STK32C: variants seen among roughly 807,000 people sequenced by gnomAD.
The protein encoded by STK32C is serine/threonine kinase 32C.
Under a neutral mutation model 56.5 loss-of-function variants are expected in STK32C, and 31 were observed. That is an observed-to-expected ratio of 0.55 (90% CI 0.41 to 0.74). The LOEUF is 0.74. Ranked by LOEUF, STK32C falls within the 30% of genes least tolerant of loss-of-function variation. The probability of loss-of-function intolerance (pLI) is 0.00; values close to 1 mark genes in which losing one functional copy is unlikely to be tolerated. For missense variants in STK32C, 544 were observed against 676.9 expected (o/e 0.80, Z 2.18); for synonymous variants, 309 against 289.4 (o/e 1.07, Z -0.69).
chr10:132,230,079 G>C (rs559969599), intron 2 of STK32C, among the ~76,000 whole-genome samples: 210 of 152,366 alleles, frequency 1.4e-3, no homozygotes, highest in Non-Finnish European at 2.2e-3. Context: ...CACCTGCTGA[G>C]GAGCGGGGGC....
At chr10:132,277,145 C>T (rs983723368) in intron 1 of STK32C, among the ~76,000 whole-genome samples, 1 of 152,274 alleles carries the variant, frequency 6.6e-6, no homozygotes, top group Non-Finnish European at 1.5e-5. Flanking sequence ...GCAGGGCCAG[C>T]AGTCTGCCTT....
In STK32C at chr10:132,294,437, C is replaced by T. The variant is rs543554530; in HGVS notation, c.262+13135G>A. On this transcript the variant is annotated intron_variant, in intron 1 of 11. Coordinates refer to ENST00000298630, the MANE Select transcript of STK32C (RefSeq NM_173575.4). ...GAGAACTGGAGGGGAGGCCTGCAGACGGCAGGGAGTGAGTGAGTTTGAGTT... is the reference window on the plus strand; with the variant it reads ...GAGAACTGGAGGGGAGGCCTGCAGATGGCAGGGAGTGAGTGAGTTTGAGTT... Among the ~76,000 whole-genome samples the T allele has an allele frequency of 2.9e-4, 44 of 152,196 alleles. No homozygotes were observed. In the East Asian group the frequency reaches 5.4e-3, roughly 19 times the overall value.
intron 1 of STK32C, among the ~76,000 whole-genome samples, chr10:132,301,771 G>A (rs1167966402): frequency 1.3e-5 from 2 of 152,226 alleles, no homozygotes; most frequent in African/African-American, 4.8e-5. Flanking sequence ...AACAGAAGGA[G>A]GAAAAGCAAA....
chr10:132,293,049 G>A (rs2065618705), intron 1 of STK32C, among the ~76,000 whole-genome samples: 1 of 152,246 alleles, frequency 6.6e-6, no homozygotes, highest in Admixed American at 6.5e-5. Flanking sequence ...TGACCCAGAG[G>A]TGAGCAGCGA....
chr10:132,220,817 T>G (rs2062613700), intron 10 of STK32C, among the ~76,000 whole-genome samples: 1 of 152,168 alleles, frequency 6.6e-6, no homozygotes, highest in Non-Finnish European at 1.5e-5. Flanking sequence ...CAATGTTAGC[T>G]CACATTCTGG....
intron 2 of STK32C, among the ~76,000 whole-genome samples, chr10:132,237,981 G>C (rs1480506623): frequency 6.6e-6 from 1 of 152,196 alleles, no homozygotes; most frequent in African/African-American, 2.4e-5. Flanking sequence ...AGCCACTGTG[G>C]TCAGACCCAG....
intron 3 of STK32C, among the ~76,000 whole-genome samples, chr10:132,227,566 A>G (rs1019719821): frequency 2.0e-5 from 3 of 151,590 alleles, no homozygotes; most frequent in Admixed American, 1.3e-4. Flanking sequence ...GATGACGGTG[A>G]TGAGAGTGAT....
upstream of STK32C, among the ~76,000 whole-genome samples, chr10:132,309,498 C>T (rs1233629930): frequency 6.6e-6 from 1 of 152,256 alleles, no homozygotes; most frequent in Admixed American, 6.5e-5. Context: ...CACCGCAGCT[C>T]TCCCTGCCTG....
chr10:132,285,893 G>A lies in STK32C; in HGVS notation c.262+21679C>T, dbSNP rs148043015. On this transcript the variant is annotated intron_variant, in intron 1 of 11. Coordinates refer to ENST00000298630, the MANE Select transcript of STK32C (RefSeq NM_173575.4). ...GCCCAGCACTTTGGGAGGCCGAGGC[G>A]GGCAGATCATGAGGTCAGGAGATGG... is the stretch of plus-strand genomic sequence containing the variant. Among the ~76,000 whole-genome samples the A allele has an allele frequency of 5.6e-3, 856 of 152,194 alleles. 10 individuals carry two copies. The highest frequency in any genetic ancestry group is 0.019 in the African/African-American group (784 of 41,516).
rs1274196959 is a variant in STK32C, at chr10:132,307,853, C to G, written c.-20G>C. The G allele has an allele frequency of 8.7e-7, 1 of 1,145,022 alleles. No individual in the cohort carries two copies. The allele number at this position is 1,145,022 out of a possible 1,614,324, so 70.9% of individuals were successfully genotyped here. A position where few individuals can be genotyped will look rare whatever the true frequency, so the allele number is the denominator to read the frequency against. On this transcript the variant is annotated 5_prime_UTR_variant, in exon 1 of 12. Transcript: ENST00000298630. This position sits in a 1 kb window ranked among gnomAD's most constrained non-coding sequence, Gnocchi z 4.4. ...CCTCATCGCCGGGTCTGGGTGCGCG[C>G]GGCAGCCGGAACTCGGGGCATGGCC...
intron 1 of STK32C, among the ~76,000 whole-genome samples, chr10:132,247,766 C>A (rs1327947010): frequency 6.6e-6 from 1 of 152,164 alleles, no homozygotes; most frequent in East Asian, 1.9e-4. Context: ...GCTTGACTCG[C>A]AGAGGTGGGG....
At chr10:132,311,645 C>G (rs1454314307), upstream of STK32C, among the ~76,000 whole-genome samples, 1 of 152,176 alleles carries the variant, frequency 6.6e-6, no homozygotes, top group African/African-American at 2.4e-5. The surrounding 1 kb of genome is among the most constrained non-coding windows in gnomAD (Gnocchi z 4.4). Context: ...GCGCCGGGGC[C>G]GAGCATGAGT....
chr10:132,293,322 G>C (rs1421012835), intron 1 of STK32C, among the ~76,000 whole-genome samples: 1 of 152,252 alleles, frequency 6.6e-6, no homozygotes, highest in African/African-American at 2.4e-5. Context: ...GTCCTGGCCA[G>C]CAAGCTGTGA....
chr10:132,307,600 C>T lies in STK32C; in HGVS notation c.234G>A (p.Arg78=), dbSNP rs773657000. 6.4e-7 allele frequency: 1 copy of T among 1,558,978 alleles called. No homozygotes were observed. Among genetic ancestry groups the T allele is most frequent in the South Asian group, 1.2e-5 (1 of 86,714 alleles). The change falls in exon 1 of 12, where the codon CGG becomes CGA. Residue 78 remains arginine (R), a synonymous_variant. Coordinates refer to ENST00000298630, the MANE Select transcript of STK32C (RefSeq NM_173575.4). This position sits in a 1 kb window ranked among gnomAD's most constrained non-coding sequence, Gnocchi z 4.4. The stretch of plus-strand genomic sequence containing the variant: ...CCTCCTTGTCGTCAAACACCGGCCT[C>T]CGCGCGGTGGCCGCCGACATGGACG... ...MGSSMSAATA[R]RPVFDDKEDV... is the part of the protein sequence containing the mutation.
intron 1 of STK32C, among the ~76,000 whole-genome samples, chr10:132,253,545 CGAGGGAGCTG>C (rs1243350653): frequency 8.5e-6 from 1 of 118,086 alleles, no homozygotes; most frequent in African/African-American, 4.3e-5. Flanking sequence ...TGGAGGGAGT[CGAGGGAGCTG>C]GAGGGAGTCG....
rs67801075 is a variant in STK32C, at chr10:132,276,785, C to CA, written c.262+30786dup. Among the ~76,000 whole-genome samples the CA allele has an allele frequency of 4.4e-3, 622 of 142,756 alleles. 4 individuals are homozygous for CA. The highest frequency in any genetic ancestry group is 9.3e-3 in the African/African-American group (357 of 38,576). The allele number at this position is 142,756 out of a possible 152,430, so 93.7% of individuals were successfully genotyped here. A position where few individuals can be genotyped will look rare whatever the true frequency, so the allele number is the denominator to read the frequency against. ...CTGGTGACAGAGCAAGACCCTGCCT[C>CA]AAAAAAAAAAAAACCCAATGTATCT... On this transcript the variant is annotated intron_variant, in intron 1 of 11. Transcript: ENST00000298630.
intron 1 of STK32C, among the ~76,000 whole-genome samples, chr10:132,261,375 C>A (rs768620718): frequency 6.6e-6 from 1 of 152,208 alleles, no homozygotes; most frequent in Non-Finnish European, 1.5e-5. Flanking sequence ...AATACAATCC[C>A]ATTTACAACA....
At chr10:132,316,385 G>T (rs2066310586) in intron 1 of STK32C, among the ~76,000 whole-genome samples, 1 of 152,120 alleles carries the variant, frequency 6.6e-6, no homozygotes, top group South Asian at 2.1e-4. Context: ...GGCTGAGGTG[G>T]GAGGATTGCT....
chr10:132,225,936 G>A (rs1028441807), intron 4 of STK32C, 152 bp from the exon 5 acceptor site: 5 of 1,013,468 alleles, frequency 4.9e-6, no homozygotes, highest in Non-Finnish European at 7.5e-6. Flanking sequence ...GATGATGCTA[G>A]GACCTCACAC....
Sources: allele counts gnomAD v4.1 joint callset (sites outside exome capture counted in the v4.1 genomes callset), GRCh38; gene constraint gnomAD v4.1.1; non-coding constraint Gnocchi (gnomAD v3.1); transcripts MANE v1.5; gene names NCBI Gene and HGNC (gene_info 2026-07-23, HGNC 2026-07-21).